The following CARMIL1 variants were observed in gnomAD, a reference collection of about 807,000 sequenced individuals.
The protein encoded by CARMIL1 is capping protein regulator and myosin 1 linker 1, also known as F-actin-uncapping protein LRRC16A.
A neutral mutation model predicts 177.1 loss-of-function variants in CARMIL1; 90 were observed. The observed-to-expected ratio is 0.51, with a 90% CI of 0.43 to 0.61. The LOEUF (loss-of-function observed/expected upper bound fraction) is 0.61. Ranked by LOEUF, CARMIL1 falls within the 20% of genes least tolerant of loss-of-function variation. The pLI is 0.00. For synonymous variants in CARMIL1, 577 were observed against 606.2 expected, an observed-to-expected ratio of 0.95 and a Z score of 0.71; for missense variants, 1,380 against 1,667.0, an observed-to-expected ratio of 0.83 and a Z score of 3.00.
At chr6:25,589,479 G>A (rs554821075) in intron 31 of CARMIL1, among the ~76,000 whole-genome samples, 3 of 152,050 alleles carry the variant, frequency 2.0e-5, no homozygotes, top group Non-Finnish European at 2.9e-5. Context: ...CTGCCATATC[G>A]CTTCTCTCCT....
chr6:25,290,790 C>G (rs1206769347), intron 2 of CARMIL1, among the ~76,000 whole-genome samples: 6 of 152,070 alleles, frequency 3.9e-5, no homozygotes, highest in Non-Finnish European at 8.8e-5. Context: ...GAAATCCACC[C>G]CCCCGGCCCC....
intron 31 of CARMIL1, among the ~76,000 whole-genome samples, chr6:25,585,999 C>T (rs1813617144): frequency 6.6e-6 from 1 of 152,226 alleles, no homozygotes; most frequent in East Asian, 1.9e-4. Flanking sequence ...CCCCACATTT[C>T]CCCCTTTTCT....
At chr6:25,369,260 ATGGCCCTG>A (rs1426087140) in intron 2 of CARMIL1, among the ~76,000 whole-genome samples, 1 of 152,150 alleles carries the variant, frequency 6.6e-6, no homozygotes, top group Non-Finnish European at 1.5e-5. Flanking sequence ...ACCCCGTAGC[ATGGCCCTG>A]TGCCATCGAC....
chr6:25,291,968 G>C (rs1581463181), intron 2 of CARMIL1, among the ~76,000 whole-genome samples: 1 of 152,294 alleles, frequency 6.6e-6, no homozygotes, highest in East Asian at 1.9e-4. Context: ...GGGTTATCCT[G>C]GCAGCACAGT....
chr6:25,382,449 G>A (rs938331728), intron 2 of CARMIL1, among the ~76,000 whole-genome samples: 9 of 152,190 alleles, frequency 5.9e-5, no homozygotes, highest in Non-Finnish European at 1.3e-4. Flanking sequence ...GAGCCAAAGA[G>A]TGAGCAGCAG....
intron 2 of CARMIL1, among the ~76,000 whole-genome samples, chr6:25,391,052 A>G (rs1006493276): frequency 1.3e-5 from 2 of 152,196 alleles, no homozygotes; most frequent in East Asian, 3.8e-4. Context: ...AAAAAACTTT[A>G]AAGTTGGTTG....
intron 2 of CARMIL1, among the ~76,000 whole-genome samples, chr6:25,306,170 A>G (rs182591041): frequency 1.3e-5 from 2 of 152,202 alleles, no homozygotes; most frequent in East Asian, 1.9e-4. Context: ...CATGTTTTAT[A>G]TAAATCAATT....
intron 26 of CARMIL1, among the ~76,000 whole-genome samples, chr6:25,541,631 AT>A (rs775631409): frequency 9.9e-5 from 15 of 152,136 alleles, no homozygotes; most frequent in Non-Finnish European, 1.9e-4. Flanking sequence ...TTTCAATGTA[AT>A]GGGAAAAAAA....
rs11414122 is a variant in CARMIL1 at position 25,296,935 on chromosome 6, T to TCTATCTTTAACTAAC, written c.138+12026_138+12027insCTATCTTTAACTAAC. Among the ~76,000 whole-genome samples the TCTATCTTTAACTAAC allele has an allele frequency of 5.0e-3, 681 of 136,370 alleles. 2 individuals are homozygous for TCTATCTTTAACTAAC. Among genetic ancestry groups the TCTATCTTTAACTAAC allele is most frequent in the Non-Finnish European group, 7.8e-3 (490 of 62,524 alleles). The allele number at this position is 136,370 out of a possible 152,430, so 89.5% of individuals were successfully genotyped here. A position where few individuals can be genotyped will look rare whatever the true frequency, so the allele number is the denominator to read the frequency against. ...TATCTATCTATCTATCTATCTATCT[T>TCTATCTTTAACTAAC]TAACTAACTAACTAACTAACTAACT... On this transcript the variant is annotated intron_variant, in intron 2 of 36. Coordinates refer to ENST00000329474, the MANE Select transcript of CARMIL1 (RefSeq NM_017640.6).
At position 25,456,982 on chromosome 6, in the gene CARMIL1, A is replaced by ATT. The variant is rs112794224; in HGVS notation, c.614+6286_614+6287dup. Among the ~76,000 whole-genome samples the ATT allele has an allele frequency of 7.2e-5, 10 of 139,858 alleles. No individual in the cohort carries two copies. The South Asian group carries it at 1.4e-3, about 19-fold the overall frequency. 91.8% of individuals were successfully genotyped at this position (139,858 alleles called of 152,430 possible). On this transcript the variant is annotated intron_variant, in intron 8 of 36. Coordinates refer to ENST00000329474, the MANE Select transcript of CARMIL1 (RefSeq NM_017640.6). ...GTCATTTTTTCCTAATCAAAGCTCC[A>ATT]TTTTTTTTTTTTTTTTAATTCCTGG... is the stretch of plus-strand genomic sequence containing the variant.
intron 29 of CARMIL1, among the ~76,000 whole-genome samples, chr6:25,566,308 A>G (rs919132135): frequency 1.3e-5 from 2 of 152,220 alleles, no homozygotes; most frequent in East Asian, 3.8e-4. Flanking sequence ...AAAGTCCTAC[A>G]TGGTCTGCCT....
intron 2 of CARMIL1, among the ~76,000 whole-genome samples, chr6:25,351,892 G>T (rs1788140676): frequency 6.6e-6 from 1 of 152,040 alleles, no homozygotes; most frequent in South Asian, 2.1e-4. Flanking sequence ...ACTTCTCTGT[G>T]CTAGGAGTTA....
At chr6:25,414,327 C>T (rs1472694051) in intron 2 of CARMIL1, among the ~76,000 whole-genome samples, 1 of 152,150 alleles carries the variant, frequency 6.6e-6, no homozygotes, top group South Asian at 2.1e-4. Flanking sequence ...GCAGGATTCT[C>T]AGCCCTGAAA....
chr6:25,611,509 T>A (rs1332387943), intron 36 of CARMIL1, among the ~76,000 whole-genome samples: 1 of 149,600 alleles, frequency 6.7e-6, no homozygotes, highest in African/African-American at 2.4e-5. Context: ...TACCCTAATT[T>A]TCCATCCTTT....
At chr6:25,391,909 C>G (rs1428446471) in intron 2 of CARMIL1, among the ~76,000 whole-genome samples, 1 of 152,172 alleles carries the variant, frequency 6.6e-6, no homozygotes, top group East Asian at 1.9e-4. Flanking sequence ...AAAATTGTCC[C>G]TGGCATGCCA....
chr6:25,290,150 C>G (rs1454834190), intron 2 of CARMIL1, among the ~76,000 whole-genome samples: 2 of 152,060 alleles, frequency 1.3e-5, no homozygotes, highest in Non-Finnish European at 2.9e-5. Context: ...AGCTGGAGCA[C>G]AGTGACATGA....
intron 31 of CARMIL1, among the ~76,000 whole-genome samples, chr6:25,585,533 C>G (rs1332410898): frequency 6.8e-6 from 1 of 147,572 alleles, no homozygotes; most frequent in East Asian, 1.9e-4. Context: ...AGTAGATAAC[C>G]TATTTTTTTA....
At chr6:25,497,870 T>C (rs1318181573) in intron 16 of CARMIL1, among the ~76,000 whole-genome samples, 1 of 152,190 alleles carries the variant, frequency 6.6e-6, no homozygotes, top group Non-Finnish European at 1.5e-5. Context: ...AGACAGAGAA[T>C]ATGACCGCTT....
chr6:25,421,495 A>G (rs1409271432), intron 3 of CARMIL1, among the ~76,000 whole-genome samples: 1 of 152,160 alleles, frequency 6.6e-6, no homozygotes, highest in Non-Finnish European at 1.5e-5. Context: ...AACTAGAAAT[A>G]CCATTTGACC....
Sources: allele counts gnomAD v4.1 joint callset (sites outside exome capture counted in the v4.1 genomes callset), GRCh38; gene constraint gnomAD v4.1.1; transcripts MANE v1.5; gene names NCBI Gene and HGNC (gene_info 2026-07-23, HGNC 2026-07-21).